NWD2: variants seen among roughly 807,000 people sequenced by gnomAD.
NWD2 encodes NACHT and WD repeat domain containing 2, also known as NACHT and WD repeat domain-containing protein 2.
A neutral mutation model predicts 132.7 loss-of-function variants in NWD2; 37 were observed. That is an observed-to-expected ratio of 0.28 (90% CI 0.21 to 0.37). The LOEUF is 0.37. Among genes scored for constraint, NWD2 ranks in the 10% least tolerant of loss-of-function variants. NWD2 has a pLI of 1.00. For synonymous variants in NWD2, 705 were observed against 803.0 expected (o/e 0.88, Z 2.06); for missense variants, 1,592 against 2,122.4 (o/e 0.75, Z 4.91).
chr4:37,354,894 C>T (rs575763097), intron 2 of NWD2, among the ~76,000 whole-genome samples: 1 of 152,148 alleles, frequency 6.6e-6, no homozygotes, highest in South Asian at 2.1e-4. Flanking sequence ...TTTCTGGAAG[C>T]ATGACCCTTT....
At chr4:37,421,091 G>A (rs541631637) in intron 3 of NWD2, among the ~76,000 whole-genome samples, 8 of 152,140 alleles carry the variant, frequency 5.3e-5, no homozygotes, top group South Asian at 2.1e-4. Context: ...ACAGGTGCCC[G>A]CCACCATGCC....
At chr4:37,379,580 G>A (rs1720412641) in intron 3 of NWD2, among the ~76,000 whole-genome samples, 1 of 152,012 alleles carries the variant, frequency 6.6e-6, no homozygotes, top group African/African-American at 2.4e-5. Context: ...CTTTTTGTTG[G>A]TGTGGGTTCA....
intron 1 of NWD2, among the ~76,000 whole-genome samples, chr4:37,267,089 T>C (rs1296957223): frequency 6.6e-6 from 1 of 151,974 alleles, no homozygotes; most frequent in Admixed American, 6.6e-5. Context: ...AAAACTCATG[T>C]GGTCATAAAG....
At chr4:37,418,419 T>C (rs2109321783) in intron 3 of NWD2, among the ~76,000 whole-genome samples, 1 of 152,208 alleles carries the variant, frequency 6.6e-6, no homozygotes, top group South Asian at 2.1e-4. Context: ...GAGGGGGGCA[T>C]AACTCTCACC....
intron 1 of NWD2, among the ~76,000 whole-genome samples, chr4:37,302,337 A>G (rs1718628105): frequency 6.6e-6 from 1 of 152,058 alleles, no homozygotes; most frequent in South Asian, 2.1e-4. Context: ...TATATTTACC[A>G]TAATTTCTTT....
At chr4:37,326,152 G>A in intron 2 of NWD2, 128 bp downstream of exon 2, 1 of 581,026 alleles carries the variant, frequency 1.7e-6, no homozygotes, top group Non-Finnish European at 3.1e-6. Context: ...TTCAAGCATG[G>A]GTAAAAAGAA....
At chr4:37,359,180 T>C (rs1248864814) in intron 3 of NWD2, among the ~76,000 whole-genome samples, 1 of 152,152 alleles carries the variant, frequency 6.6e-6, no homozygotes, top group African/African-American at 2.4e-5. Context: ...CTTTGCAAGT[T>C]TATGCAGGTT....
At chr4:37,355,193 T>C (rs1719848301) in intron 2 of NWD2, among the ~76,000 whole-genome samples, 1 of 152,214 alleles carries the variant, frequency 6.6e-6, no homozygotes, top group African/African-American at 2.4e-5. Context: ...AGTTACCTTC[T>C]TTGATGTCAT....
At chr4:37,314,514 ATTTG>A (rs1237966662) in intron 1 of NWD2, among the ~76,000 whole-genome samples, 4 of 152,128 alleles carry the variant, frequency 2.6e-5, no homozygotes, top group Non-Finnish European at 2.9e-5. Flanking sequence ...GTTCCTAGAA[ATTTG>A]TTTATCTAAT....
At chr4:37,407,498 G>T (rs911369059) in intron 3 of NWD2, among the ~76,000 whole-genome samples, 1 of 152,158 alleles carries the variant, frequency 6.6e-6, no homozygotes, top group Non-Finnish European at 1.5e-5. Flanking sequence ...TGATCCAGGG[G>T]CCACACTTTG....
At chr4:37,245,293 G>C in intron 1 of NWD2, 75 bp downstream of exon 1, 2 of 1,419,668 alleles carry the variant, frequency 1.4e-6, no homozygotes, top group Non-Finnish European at 1.9e-6. Context: ...GTGTGTGTCC[G>C]CCCCACAGCC....
Position 37,316,861 on chromosome 4 carries a change from TC to T in NWD2, c.152-9073del, listed in dbSNP as rs578135040. Among the ~76,000 whole-genome samples, 434 of 152,312 alleles carry T rather than the reference TC, an allele frequency of 2.8e-3. 2 individuals are homozygous for T. The highest frequency in any genetic ancestry group is 9.9e-3 in the African/African-American group (413 of 41,568). ...TTTTAGGTAATATAACAATTCTAGA[TC>T]CTGATTTTTCACCTCTGAGTGATGT... On this transcript the variant is annotated intron_variant, in intron 1 of 6. Coordinates refer to ENST00000309447, the MANE Select transcript of NWD2 (RefSeq NM_001144990.2).
chr4:37,285,772 A>T (rs944872197), intron 1 of NWD2, among the ~76,000 whole-genome samples: 4 of 152,226 alleles, frequency 2.6e-5, no homozygotes, highest in Admixed American at 2.0e-4. Context: ...GCAAAAGTTT[A>T]TAGTAACTTG....
intron 3 of NWD2, among the ~76,000 whole-genome samples, chr4:37,430,315 T>TTGGC (rs1326364897): frequency 3.9e-5 from 6 of 152,210 alleles, no homozygotes; most frequent in African/African-American, 1.2e-4. Flanking sequence ...AGAAAGTAAA[T>TTGGC]TGGCTGCAAA....
At chr4:37,352,917 G>T (rs57774071) in intron 2 of NWD2, among the ~76,000 whole-genome samples, 3,961 of 152,158 alleles carry the variant, frequency 0.026, 169 homozygotes, top group African/African-American at 0.091. Flanking sequence ...TGGTTATTTT[G>T]CCCATTAGTT....
chr4:37,335,301 G>C (rs1189634116), intron 2 of NWD2, among the ~76,000 whole-genome samples: 1 of 3,118 alleles, frequency 3.2e-4, no homozygotes, highest in African/African-American at 3.5e-4. Context: ...GGGGGTGGGC[G>C]GGGGGGGGGG....
At chr4:37,414,524 G>A (rs1180371050) in intron 3 of NWD2, among the ~76,000 whole-genome samples, 1 of 151,070 alleles carries the variant, frequency 6.6e-6, no homozygotes, top group African/African-American at 2.4e-5. Flanking sequence ...TGCTCCAGAA[G>A]TCGCTGTAAC....
At chr4:37,415,710 A>AAT (rs1224228829) in intron 3 of NWD2, among the ~76,000 whole-genome samples, 3 of 151,570 alleles carry the variant, frequency 2.0e-5, no homozygotes, top group Non-Finnish European at 1.5e-5. Context: ...TCTAAAAAAA[A>AAT]AAAAAAAAAA....
Position 37,446,701 on chromosome 4 carries a change from G to A in NWD2, c.4713G>A (p.Arg1571=), listed in dbSNP as rs2109332258. 1 of 1,551,670 alleles carries A rather than the reference G, an allele frequency of 6.4e-7. No individual in the cohort carries two copies. Among genetic ancestry groups the A allele is most frequent in the Non-Finnish European group, 8.7e-7 (1 of 1,147,006 alleles). Residue 1571 remains arginine (R), a synonymous_variant, in exon 7 of 7, where the codon AGG becomes AGA. Coordinates refer to ENST00000309447, the MANE Select transcript of NWD2 (RefSeq NM_001144990.2). The surrounding 1 kb of genome is among the most constrained non-coding windows in gnomAD (Gnocchi z 6.7). ...VHASGIIWRQ[R]LSRDGRYLVY... is the part of the protein sequence containing the mutation. ...CCTCTGGGATCATCTGGCGGCAGAG[G>A]TTGTCTCGGGATGGTCGCTACCTGG...
Sources: gnomAD v4.1 joint callset for allele counts (sites outside exome capture counted in the v4.1 genomes callset) on GRCh38, gnomAD v4.1.1 for gene constraint, Gnocchi (gnomAD v3.1) non-coding constraint, MANE v1.5 for transcripts, NCBI Gene and HGNC (gene_info 2026-07-23, HGNC 2026-07-21) for gene names.